Variants in BICD1 observed in about 807,000 individuals in gnomAD.
BICD1 encodes protein bicaudal D homolog 1.
In BICD1, 35 loss-of-function variants were observed where a neutral mutation model predicts 92.5. The observed-to-expected ratio is 0.38, with a 90% CI of 0.29 to 0.50. The LOEUF is 0.50. Among genes scored for constraint, BICD1 ranks in the 20% least tolerant of loss-of-function variants. The pLI is 0.93. For synonymous variants in BICD1, 429 were observed against 465.1 expected (o/e 0.92, Z 1.00); for missense variants, 950 against 1,189.8 (o/e 0.80, Z 2.97).
intron 1 of BICD1, among the ~76,000 whole-genome samples, chr12:32,175,651 T>G (rs913226720): frequency 1.3e-5 from 2 of 152,194 alleles, no homozygotes; most frequent in African/African-American, 4.8e-5. Context: ...AGATTACTGT[T>G]CCAAATACGT....
chr12:32,192,160 G>A (rs185547601), intron 1 of BICD1, among the ~76,000 whole-genome samples: 9 of 152,244 alleles, frequency 5.9e-5, no homozygotes, highest in East Asian at 1.9e-4. Flanking sequence ...GGCCAGGTGC[G>A]GTGGCTCACG....
chr12:32,324,778 C>G (rs1948738486), intron 4 of BICD1, among the ~76,000 whole-genome samples: 1 of 151,982 alleles, frequency 6.6e-6, no homozygotes, highest in African/African-American at 2.4e-5. Flanking sequence ...CGGGGTTTCA[C>G]CATCTTGGCC....
intron 4 of BICD1, among the ~76,000 whole-genome samples, chr12:32,317,535 C>G (rs1360074604): frequency 6.6e-6 from 1 of 152,144 alleles, no homozygotes; most frequent in Non-Finnish European, 1.5e-5. Flanking sequence ...ATATCCTGCA[C>G]CCACTTTTTG....
At position 32,365,488 on chromosome 12, in the gene BICD1, G is replaced by A. The variant is rs139415168; in HGVS notation, c.2765-2182G>A. Reference sequence around the variant, plus strand: ...TATGAGATATTTTTAAAAGATGTAAGCCATTTTAATACTCTAGTTACTCTA... The same window carrying A: ...TATGAGATATTTTTAAAAGATGTAAACCATTTTAATACTCTAGTTACTCTA... On this transcript the variant is annotated intron_variant, in intron 8 of 9. Transcript: ENST00000652176. Among the ~76,000 whole-genome samples, 356 of 152,232 alleles carry A rather than the reference G, an allele frequency of 2.3e-3. 3 individuals are homozygous for A. Among genetic ancestry groups the A allele is most frequent in the East Asian group, 5.8e-3 (30 of 5,172 alleles).
chr12:32,245,886 C>G (rs546782649), intron 2 of BICD1, among the ~76,000 whole-genome samples: 2 of 151,482 alleles, frequency 1.3e-5, no homozygotes, highest in East Asian at 3.9e-4. Context: ...AAAAATTAGC[C>G]AGGTGTGGTG....
intron 1 of BICD1, among the ~76,000 whole-genome samples, chr12:32,201,400 T>C (rs980393866): frequency 1.3e-5 from 2 of 152,086 alleles, no homozygotes; most frequent in Non-Finnish European, 2.9e-5. Context: ...CTTCATACAA[T>C]GTAATGAAGT....
At position 32,327,811 on chromosome 12, in the gene BICD1, G is replaced by A; in HGVS notation, c.1356G>A (p.Lys452=). Residue 452 remains lysine, a synonymous_variant, in exon 5 of 10, where the codon AAG becomes AAA. Transcript: ENST00000652176. Reference sequence around the variant, plus strand: ...CTGTAGAAAACTACACTGATGAGAAGGCCAAGTATGAGAGTAAAATCCAGA... The same window carrying A: ...CTGTAGAAAACTACACTGATGAGAAAGCCAAGTATGAGAGTAAAATCCAGA... ...NKSVENYTDE[K]AKYESKIQMY... The A allele has an allele frequency of 1.2e-6, 2 of 1,614,042 alleles. No homozygotes were observed. The highest frequency in any genetic ancestry group is 2.2e-5 in the East Asian group (1 of 44,874).
intron 1 of BICD1, among the ~76,000 whole-genome samples, chr12:32,145,057 C>A (rs1239770644): frequency 6.6e-6 from 1 of 152,142 alleles, no homozygotes; most frequent in African/African-American, 2.4e-5. Flanking sequence ...AAGCAACATT[C>A]TTTCATTTTT....
At position 32,194,370 on chromosome 12, in the gene BICD1, A is replaced by C. The variant is rs1304978483; in HGVS notation, c.214-21877A>C. On this transcript the variant is annotated intron_variant, in intron 1 of 9. Transcript: ENST00000652176. ...TAGCTAGAGCAATTAGGCAAGAAAA[A>C]GAAACAAAAGACATCCAAATTAGGG... Among the ~76,000 whole-genome samples the C allele has an allele frequency of 2.6e-5, 4 of 152,186 alleles. No homozygotes were observed. The East Asian group carries it at 5.8e-4, about 22-fold the overall frequency.
intron 8 of BICD1, chr12:32,352,340 G>C (rs1404440969): frequency 2.0e-5 from 3 of 152,090 alleles, no homozygotes; most frequent in Non-Finnish European, 4.4e-5. Context: ...AGACCATTCT[G>C]GCCAACATGG....
intron 8 of BICD1, among the ~76,000 whole-genome samples, chr12:32,346,349 T>C (rs1938565551): frequency 6.7e-6 from 1 of 149,568 alleles, no homozygotes. Context: ...AAACCCTGTC[T>C]CTACAAAAAC....
At chr12:32,218,456 G>T (rs899264551) in intron 2 of BICD1, among the ~76,000 whole-genome samples, 1 of 152,158 alleles carries the variant, frequency 6.6e-6, no homozygotes, top group Non-Finnish European at 1.5e-5. Context: ...TGATGTGGGG[G>T]CTGCTGCTCT....
chr12:32,115,143 C>T (rs955153381), intron 1 of BICD1, among the ~76,000 whole-genome samples: 1 of 152,156 alleles, frequency 6.6e-6, no homozygotes, highest in Non-Finnish European at 1.5e-5. Flanking sequence ...AGGCATGAGC[C>T]ATTGCACCCA....
chr12:32,228,624 G>T (rs1450778077), intron 2 of BICD1, among the ~76,000 whole-genome samples: 2 of 152,190 alleles, frequency 1.3e-5, no homozygotes, highest in Non-Finnish European at 2.9e-5. Context: ...CCAGGATGAT[G>T]GGTAGAAGTG....
intron 4 of BICD1, among the ~76,000 whole-genome samples, chr12:32,317,426 G>A (rs1288904712): frequency 6.6e-6 from 1 of 152,152 alleles, no homozygotes; most frequent in Non-Finnish European, 1.5e-5. Flanking sequence ...GTATCTCATT[G>A]CGGTTTTGAT....
intron 2 of BICD1, among the ~76,000 whole-genome samples, chr12:32,262,746 G>T (rs750632513): frequency 7.2e-5 from 11 of 152,210 alleles, no homozygotes; most frequent in Non-Finnish European, 1.5e-4. Context: ...AATGCCAGGG[G>T]CACCAGAAGC....
At chr12:32,279,607 A>T (rs528212635) in intron 2 of BICD1, among the ~76,000 whole-genome samples, 1 of 152,358 alleles carries the variant, frequency 6.6e-6, no homozygotes, top group African/African-American at 2.4e-5. Flanking sequence ...TGTTTAAAAT[A>T]AAAGGGCCGA....
At chr12:32,243,379 G>A (rs182840626) in intron 2 of BICD1, among the ~76,000 whole-genome samples, 122 of 149,892 alleles carry the variant, frequency 8.1e-4, no homozygotes, top group Admixed American at 3.6e-3. Context: ...CTCCCAAAGT[G>A]CTAGGATTAC....
At chr12:32,165,682 CA>C (rs35023796) in intron 1 of BICD1, among the ~76,000 whole-genome samples, 43,237 of 127,966 alleles carry the variant, frequency 0.34, 6,460 homozygotes, top group African/African-American at 0.39. Context: ...GACTCTGTCT[CA>C]AAAAAAAAAA....
Sources: allele counts gnomAD v4.1 joint callset (sites outside exome capture counted in the v4.1 genomes callset), GRCh38; gene constraint gnomAD v4.1.1; transcripts MANE v1.5; gene names NCBI Gene and HGNC (gene_info 2026-07-23, HGNC 2026-07-21).